CDYL2: variants seen among roughly 807,000 people sequenced by gnomAD.
CDYL2 encodes chromodomain Y like 2, also known as chromodomain Y-like protein 2.
Under a neutral mutation model 49.4 loss-of-function variants are expected in CDYL2, and 23 were observed. The ratio of observed to expected loss-of-function variants is 0.47; its 90% CI spans 0.34 to 0.66. The LOEUF (loss-of-function observed/expected upper bound fraction) is 0.66, where lower values mean the gene tolerates loss of function less well. CDYL2 is among the 30% of genes least tolerant of loss of function. CDYL2 has a pLI of 0.01. For synonymous variants in CDYL2, 360 were observed against 268.8 expected, an observed-to-expected ratio of 1.34 and a Z score of -3.32; for missense variants, 678 against 656.4, an observed-to-expected ratio of 1.03 and a Z score of -0.36.
intron 2 of CDYL2, among the ~76,000 whole-genome samples, chr16:80,674,280 A>G (rs937133611): frequency 6.6e-6 from 1 of 152,088 alleles, no homozygotes; most frequent in South Asian, 2.1e-4. Flanking sequence ...TTAAGCATTA[A>G]TTTTCCAGTG....
chr16:80,802,228 C>G (rs1907948410), intron 1 of CDYL2, among the ~76,000 whole-genome samples: 1 of 152,194 alleles, frequency 6.6e-6, no homozygotes, highest in South Asian at 2.1e-4. Flanking sequence ...TGGGGAAATA[C>G]TGATGACTCC....
At chr16:80,707,741 T>C (rs1192824504) in intron 1 of CDYL2, among the ~76,000 whole-genome samples, 3 of 152,132 alleles carry the variant, frequency 2.0e-5, no homozygotes, top group Non-Finnish European at 2.9e-5. Context: ...TGTGGCCAAG[T>C]CCAGCATCCA....
intron 1 of CDYL2, among the ~76,000 whole-genome samples, chr16:80,759,604 T>G (rs140346207): frequency 0.015 from 2,333 of 152,304 alleles, 65 homozygotes; most frequent in African/African-American, 0.052. Flanking sequence ...TTGGTTTGGG[T>G]TAGTGTTTGC....
intron 1 of CDYL2, among the ~76,000 whole-genome samples, chr16:80,773,275 C>T (rs1388137793): frequency 1.3e-5 from 2 of 151,988 alleles, no homozygotes; most frequent in Non-Finnish European, 2.9e-5. Flanking sequence ...TGTGTATGCA[C>T]TTAATATCAT....
At chr16:80,669,850 T>C (rs553859525) in intron 2 of CDYL2, among the ~76,000 whole-genome samples, 1 of 152,300 alleles carries the variant, frequency 6.6e-6, no homozygotes, top group Non-Finnish European at 1.5e-5. Context: ...GGCTCAGCCA[T>C]GAGGAGAGTG....
chr16:80,643,944 G>C (rs1489907610), intron 2 of CDYL2, among the ~76,000 whole-genome samples: 2 of 152,220 alleles, frequency 1.3e-5, no homozygotes, highest in Non-Finnish European at 2.9e-5. Context: ...TTATGCAAAT[G>C]TCTGAAGTTG....
chr16:80,742,747 T>G (rs1339289349), intron 1 of CDYL2, among the ~76,000 whole-genome samples: 1 of 149,112 alleles, frequency 6.7e-6, no homozygotes. Context: ...GGTGAGTGAG[T>G]GGGTGGATGG....
intron 5 of CDYL2, among the ~76,000 whole-genome samples, chr16:80,609,383 A>C (rs556669374): frequency 1.1e-4 from 16 of 152,336 alleles, no homozygotes; most frequent in African/African-American, 3.8e-4. Context: ...TCAGGCCTCC[A>C]GAGCTATGCG....
chr16:80,626,420 T>C (rs957293855), intron 3 of CDYL2, among the ~76,000 whole-genome samples: 2 of 151,956 alleles, frequency 1.3e-5, no homozygotes, highest in Non-Finnish European at 2.9e-5. Context: ...GGCAATAATA[T>C]TGTAGAGGAT....
chr16:80,655,706 A>G (rs1567557977), intron 2 of CDYL2, among the ~76,000 whole-genome samples: 1 of 152,192 alleles, frequency 6.6e-6, no homozygotes, highest in Non-Finnish European at 1.5e-5. Flanking sequence ...AACACCTCTG[A>G]GCCAAGCAGG....
rs549004833 is a variant in CDYL2, at chr16:80,635,618, C to T, written c.617-2382G>A. 3.3e-5 allele frequency among the ~76,000 whole-genome samples: 5 copies of T among 152,240 alleles called. No individual in the cohort carries two copies. In the East Asian group the frequency reaches 7.7e-4, roughly 24 times the overall value. On this transcript the variant is annotated intron_variant, in intron 2 of 6. Coordinates refer to ENST00000570137, the MANE Select transcript of CDYL2 (RefSeq NM_152342.4). ...GCTCATGGAAAGGAAGAATCAATAT[C>T]GTAAAAATGGCCCTACTGCTCAAAG... is the stretch of plus-strand genomic sequence containing the variant.
At chr16:80,705,334 C>CTT (rs2142505612) in intron 1 of CDYL2, among the ~76,000 whole-genome samples, 1 of 152,336 alleles carries the variant, frequency 6.6e-6, no homozygotes, top group South Asian at 2.1e-4. Context: ...TGGCCAAAGG[C>CTT]CACTTTTGAA....
intron 1 of CDYL2, among the ~76,000 whole-genome samples, chr16:80,719,147 G>C (rs992489224): frequency 4.6e-5 from 7 of 152,124 alleles, no homozygotes; most frequent in African/African-American, 1.2e-4. Context: ...CAAAGCCCTA[G>C]AGATAGAGTG....
intron 2 of CDYL2, among the ~76,000 whole-genome samples, chr16:80,635,013 A>G (rs968171170): frequency 5.9e-5 from 9 of 152,214 alleles, no homozygotes; most frequent in South Asian, 2.1e-4. Flanking sequence ...CCAGATAAAG[A>G]CATTACAAGA....
chr16:80,778,088 A>C (rs1410319425), intron 1 of CDYL2, among the ~76,000 whole-genome samples: 1 of 152,076 alleles, frequency 6.6e-6, no homozygotes, highest in Non-Finnish European at 1.5e-5. Flanking sequence ...AAGTATCAAA[A>C]ATGAATGTAA....
chr16:80,765,982 G>C (rs1906711059), intron 1 of CDYL2, among the ~76,000 whole-genome samples: 1 of 150,886 alleles, frequency 6.6e-6, no homozygotes, highest in Non-Finnish European at 1.5e-5. Context: ...TCTATTGTAT[G>C]ATCACACATC....
At chr16:80,776,349 TGA>T (rs1907082330) in intron 1 of CDYL2, among the ~76,000 whole-genome samples, 1 of 152,058 alleles carries the variant, frequency 6.6e-6, no homozygotes, top group African/African-American at 2.4e-5. Context: ...CTAGAAAAGA[TGA>T]ATATACACTA....
At chr16:80,715,926 T>C (rs1904782702) in intron 1 of CDYL2, among the ~76,000 whole-genome samples, 1 of 152,218 alleles carries the variant, frequency 6.6e-6, no homozygotes, top group African/African-American at 2.4e-5. Flanking sequence ...GAAGAAGAAG[T>C]AGATTCTAAG....
intron 4 of CDYL2, among the ~76,000 whole-genome samples, chr16:80,616,500 C>T (rs1008471389): frequency 6.6e-6 from 1 of 152,142 alleles, no homozygotes; most frequent in African/African-American, 2.4e-5. Context: ...CTGGAGCAAT[C>T]GGCATTTCTC....
Sources: gnomAD v4.1 joint callset for allele counts (sites outside exome capture counted in the v4.1 genomes callset) on GRCh38, gnomAD v4.1.1 for gene constraint, MANE v1.5 for transcripts, NCBI Gene and HGNC (gene_info 2026-07-23, HGNC 2026-07-21) for gene names.